The following LPP variants were observed in gnomAD, a reference collection of about 807,000 sequenced individuals.
The protein encoded by LPP is lipoma-preferred partner.
In LPP, 38 loss-of-function variants were observed where a neutral mutation model predicts 60.4. That is an observed-to-expected ratio of 0.63 (90% CI 0.49 to 0.83). The LOEUF (loss-of-function observed/expected upper bound fraction) is 0.83, where lower values mean the gene tolerates loss of function less well. Among genes scored for constraint, LPP ranks in the 40% least tolerant of loss-of-function variants. The pLI is 0.00. For missense variants in LPP, 902 were observed against 783.6 expected (o/e 1.15, Z -1.80); for synonymous variants, 328 against 290.8 (o/e 1.13, Z -1.30).
chr3:188,638,497 G>T (rs1277023280), intron 7 of LPP, among the ~76,000 whole-genome samples: 316 of 144,240 alleles, frequency 2.2e-3, no homozygotes, highest in African/African-American at 7.9e-3. Flanking sequence ...TCAACATAGT[G>T]TTGGAAGTTC....
intron 9 of LPP, among the ~76,000 whole-genome samples, chr3:188,800,121 A>C (rs1211561842): frequency 6.6e-6 from 1 of 150,752 alleles, no homozygotes; most frequent in African/African-American, 2.4e-5. Context: ...TATAGGATAC[A>C]TGAACCGTAA....
chr3:188,655,286 T>A (rs138077080), intron 7 of LPP, among the ~76,000 whole-genome samples: 4 of 152,284 alleles, frequency 2.6e-5, no homozygotes, highest in African/African-American at 9.6e-5. Flanking sequence ...AGTTTCCATT[T>A]CTAGCAGCAC....
intron 2 of LPP, among the ~76,000 whole-genome samples, chr3:188,281,987 C>T (rs979287796): frequency 2.0e-5 from 3 of 152,120 alleles, no homozygotes; most frequent in Non-Finnish European, 4.4e-5. Context: ...CCTTCTCCTT[C>T]TCACCTTGCC....
At chr3:188,379,606 G>A (rs1167053067) in intron 3 of LPP, among the ~76,000 whole-genome samples, 4 of 152,104 alleles carry the variant, frequency 2.6e-5, no homozygotes, top group East Asian at 3.9e-4. Flanking sequence ...AAGCAACCAC[G>A]AATCTACTTT....
At chr3:188,722,871 T>C (rs1716998181) in intron 8 of LPP, among the ~76,000 whole-genome samples, 1 of 152,158 alleles carries the variant, frequency 6.6e-6, no homozygotes, top group Non-Finnish European at 1.5e-5. Context: ...CAGCATCTGG[T>C]TTGATTTGTG....
chr3:188,590,713 T>C (rs1358160137), intron 6 of LPP, among the ~76,000 whole-genome samples: 3 of 152,178 alleles, frequency 2.0e-5, no homozygotes, highest in African/African-American at 7.2e-5. Context: ...TGGTGAAGAC[T>C]GTGGCAAGCA....
intron 4 of LPP, among the ~76,000 whole-genome samples, chr3:188,430,093 T>G (rs1169754550): frequency 6.6e-6 from 1 of 152,152 alleles, no homozygotes. Flanking sequence ...CCAGATTGAT[T>G]AGGACAAATA....
chr3:188,861,677 T>C (rs1765232067), intron 9 of LPP, among the ~76,000 whole-genome samples: 1 of 152,210 alleles, frequency 6.6e-6, no homozygotes, highest in Non-Finnish European at 1.5e-5. Flanking sequence ...AAGTTATTTA[T>C]ACAATATCCA....
intron 6 of LPP, among the ~76,000 whole-genome samples, chr3:188,594,553 C>T (rs1839610283): frequency 6.6e-6 from 1 of 152,162 alleles, no homozygotes. Flanking sequence ...TACCCAGTAG[C>T]TGGCAACATT....
intron 2 of LPP, among the ~76,000 whole-genome samples, chr3:188,280,185 T>C (rs886275611): frequency 6.6e-6 from 1 of 152,248 alleles, no homozygotes; most frequent in Middle Eastern, 3.4e-3. Flanking sequence ...AGTCCTTTTG[T>C]GTGGATGTCT....
intron 3 of LPP, among the ~76,000 whole-genome samples, chr3:188,399,671 C>G (rs952151141): frequency 6.6e-6 from 1 of 152,154 alleles, no homozygotes; most frequent in African/African-American, 2.4e-5. Flanking sequence ...ATTCTCAACC[C>G]TTGAATCAGA....
At chr3:188,608,169 G>C (rs1255332869) in intron 6 of LPP, among the ~76,000 whole-genome samples, 1 of 152,160 alleles carries the variant, frequency 6.6e-6, no homozygotes, top group African/African-American at 2.4e-5. Flanking sequence ...CTGTGTGTCT[G>C]CCTTCTCTCT....
At chr3:188,247,532 G>A (rs1223066998) in intron 2 of LPP, among the ~76,000 whole-genome samples, 5 of 152,030 alleles carry the variant, frequency 3.3e-5, no homozygotes, top group African/African-American at 7.2e-5. Context: ...GGCTGGGTGC[G>A]TTGGCTCATG....
intron 3 of LPP, among the ~76,000 whole-genome samples, chr3:188,371,123 C>A (rs1426230144): frequency 6.6e-6 from 1 of 152,038 alleles, no homozygotes; most frequent in Non-Finnish European, 1.5e-5. Flanking sequence ...TGGTGCTGTA[C>A]CAAGATCTCT....
intron 2 of LPP, among the ~76,000 whole-genome samples, chr3:188,242,748 C>G (rs1353110341): frequency 1.3e-5 from 2 of 152,200 alleles, no homozygotes; most frequent in East Asian, 1.9e-4. Context: ...CATTAAACAT[C>G]TGATAATCAC....
intron 2 of LPP, among the ~76,000 whole-genome samples, chr3:188,242,383 CAG>C (rs887912849): frequency 4.8e-4 from 70 of 147,200 alleles, no homozygotes; most frequent in East Asian, 3.9e-4. Context: ...AAGAGAGAGA[CAG>C]AGAGAGAGAG....
At chr3:188,200,893 T>C (rs1035180662) in intron 1 of LPP, among the ~76,000 whole-genome samples, 12 of 152,220 alleles carry the variant, frequency 7.9e-5, no homozygotes, top group Non-Finnish European at 1.3e-4. Flanking sequence ...TATAACACTG[T>C]AATATAATTA....
In LPP at chr3:188,524,649, G is replaced by A; in HGVS notation, c.307-16G>A. ...GGAAATTTCCTTTGTTAACATGTCTGTGTTGCTTCCAACAGGGGAATCCCG... is the reference window on the plus strand; with the variant it reads ...GGAAATTTCCTTTGTTAACATGTCTATGTTGCTTCCAACAGGGGAATCCCG... On this transcript the variant is annotated splice_polypyrimidine_tract_variant and intron_variant, in intron 5 of 11. Coordinates refer to ENST00000617246, the MANE Select transcript of LPP (RefSeq NM_001375462.1). 1 of 1,610,398 alleles carries A rather than the reference G, an allele frequency of 6.2e-7. No individual in the cohort carries two copies. Among genetic ancestry groups the A allele is most frequent in the South Asian group, 1.1e-5 (1 of 90,602 alleles).
intron 5 of LPP, among the ~76,000 whole-genome samples, chr3:188,493,314 T>A (rs1293519378): frequency 6.6e-6 from 1 of 152,184 alleles, no homozygotes; most frequent in Non-Finnish European, 1.5e-5. Flanking sequence ...CTGATTCCTT[T>A]TCCAGTTTAG....
Sources: allele counts gnomAD v4.1 joint callset (sites outside exome capture counted in the v4.1 genomes callset), GRCh38; gene constraint gnomAD v4.1.1; transcripts MANE v1.5; gene names NCBI Gene and HGNC (gene_info 2026-07-23, HGNC 2026-07-21).